The following AUTS2 variants were observed in gnomAD, a reference collection of about 807,000 sequenced individuals.
AUTS2 encodes activator of transcription and developmental regulator AUTS2.
A neutral mutation model predicts 112.4 loss-of-function variants in AUTS2; 17 were observed. The ratio of observed to expected loss-of-function variants is 0.15; its 90% CI spans 0.10 to 0.23. AUTS2 has a LOEUF of 0.23. Ranked by LOEUF, AUTS2 falls within the 10% of genes least tolerant of loss-of-function variation. AUTS2 has a pLI of 1.00. For synonymous variants in AUTS2, 751 were observed against 702.7 expected (o/e 1.07, Z -1.09); for missense variants, 1,510 against 1,701.6 (o/e 0.89, Z 1.98).
chr7:70,081,410 AAT>A (rs1250357703), intron 2 of AUTS2, among the ~76,000 whole-genome samples: 1 of 149,418 alleles, frequency 6.7e-6, no homozygotes, highest in African/African-American at 2.5e-5. Flanking sequence ...AAAAAAAAAA[AAT>A]CAGCTGGATA....
intron 4 of AUTS2, among the ~76,000 whole-genome samples, chr7:70,324,984 G>A (rs1197756642): frequency 2.0e-5 from 3 of 152,150 alleles, no homozygotes; most frequent in Non-Finnish European, 2.9e-5. Context: ...GAAGAGGAAA[G>A]TGAGGCCCAG....
intron 1 of AUTS2, among the ~76,000 whole-genome samples, chr7:69,750,668 A>T (rs936871905): frequency 2.0e-5 from 3 of 151,856 alleles, no homozygotes; most frequent in Admixed American, 1.3e-4. Context: ...GCTAATTTTT[A>T]GATTTTTTGT....
intron 2 of AUTS2, among the ~76,000 whole-genome samples, chr7:70,036,923 G>T (rs1472650310): frequency 6.6e-6 from 1 of 152,208 alleles, no homozygotes; most frequent in Non-Finnish European, 1.5e-5. Context: ...TTCTTTCCTT[G>T]TAAAACTGTA....
At chr7:70,339,335 T>G (rs1239333168) in intron 4 of AUTS2, among the ~76,000 whole-genome samples, 3 of 152,238 alleles carry the variant, frequency 2.0e-5, no homozygotes, top group African/African-American at 7.2e-5. Flanking sequence ...TTTATCTAGA[T>G]AAATTTGACT....
chr7:70,035,465 G>A (rs1367735435), intron 2 of AUTS2, among the ~76,000 whole-genome samples: 13 of 152,194 alleles, frequency 8.5e-5, no homozygotes, highest in Admixed American at 7.9e-4. Context: ...CTGAGGCATT[G>A]CTGTTTTTAT....
intron 2 of AUTS2, among the ~76,000 whole-genome samples, chr7:70,026,176 G>A (rs1438473490): frequency 6.6e-6 from 1 of 152,204 alleles, no homozygotes; most frequent in Non-Finnish European, 1.5e-5. Context: ...CCCTTAGCCA[G>A]ATATTCCCTA....
chr7:70,092,338 T>C (rs1562684394), intron 2 of AUTS2, among the ~76,000 whole-genome samples: 1 of 152,098 alleles, frequency 6.6e-6, no homozygotes, highest in Non-Finnish European at 1.5e-5. Flanking sequence ...GCTGATAAAA[T>C]CCTCCTTCTG....
chr7:70,335,808 C>G (rs1298175581), intron 4 of AUTS2, among the ~76,000 whole-genome samples: 1 of 152,160 alleles, frequency 6.6e-6, no homozygotes, highest in Non-Finnish European at 1.5e-5. Flanking sequence ...GTTGCAAGGC[C>G]TTTATTTCCT....
At chr7:70,690,012 C>T (rs908243357) in intron 5 of AUTS2, among the ~76,000 whole-genome samples, 13 of 152,258 alleles carry the variant, frequency 8.5e-5, no homozygotes, top group African/African-American at 3.1e-4. Flanking sequence ...CATCTGTAAT[C>T]ATAATAGACA....
intron 4 of AUTS2, among the ~76,000 whole-genome samples, chr7:70,276,489 C>T (rs1402666535): frequency 6.6e-6 from 1 of 151,656 alleles, no homozygotes; most frequent in Admixed American, 6.6e-5. Flanking sequence ...AGTGATTCTC[C>T]CACCTCAGCC....
chr7:70,101,373 C>CA (rs553519454), intron 2 of AUTS2, among the ~76,000 whole-genome samples: 2,461 of 133,464 alleles, frequency 0.018, 28 homozygotes, highest in Middle Eastern at 0.051. Flanking sequence ...TAAGAACTGC[C>CA]AAAAAAAAAA....
Position 69,729,374 on chromosome 7 carries a change from G to A in AUTS2, c.309+129412G>A, listed in dbSNP as rs943409694. The stretch of plus-strand genomic sequence containing the variant: ...GTGAGAGAAAACTTATCTTTAAGAA[G>A]TCTCTAATCTATTATGGGATTAAGA... On this transcript the variant is annotated intron_variant, in intron 1 of 18. Transcript: ENST00000342771. Among the ~76,000 whole-genome samples, 3 of 148,160 alleles carry A rather than the reference G, an allele frequency of 2.0e-5. No homozygotes were observed. In the Admixed American group the frequency reaches 2.0e-4, roughly 10 times the overall value.
chr7:69,727,010 T>A (rs1284664547), intron 1 of AUTS2, among the ~76,000 whole-genome samples: 2 of 152,214 alleles, frequency 1.3e-5, no homozygotes, highest in East Asian at 1.9e-4. Flanking sequence ...CAGAATTTTT[T>A]AATTTTGATG....
intron 1 of AUTS2, among the ~76,000 whole-genome samples, chr7:69,880,587 G>A (rs1794002737): frequency 6.6e-6 from 1 of 152,178 alleles, no homozygotes; most frequent in South Asian, 2.1e-4. Context: ...TTGTTTAGCT[G>A]TACTTGCCTT....
intron 4 of AUTS2, among the ~76,000 whole-genome samples, chr7:70,428,583 T>A (rs949290493): frequency 6.6e-6 from 1 of 152,234 alleles, no homozygotes; most frequent in Non-Finnish European, 1.5e-5. Context: ...GTTTACAAGT[T>A]GGGGTTCTCC....
At chr7:70,012,984 A>C (rs1799873907) in intron 2 of AUTS2, among the ~76,000 whole-genome samples, 1 of 152,190 alleles carries the variant, frequency 6.6e-6, no homozygotes, top group South Asian at 2.1e-4. Flanking sequence ...GAGGAGGAAA[A>C]GAATATTTTA....
intron 6 of AUTS2, among the ~76,000 whole-genome samples, chr7:70,732,050 T>C (rs1438934517): frequency 6.6e-6 from 1 of 152,168 alleles, no homozygotes; most frequent in Non-Finnish European, 1.5e-5. Flanking sequence ...CCCTCCAGTA[T>C]AGGATCTTGT....
In AUTS2 at chr7:70,792,114, A is replaced by G. The variant is rs1048625003; in HGVS notation, c.*1118A>G. ...GATGGATATGTTTTCACTGTATTCA[A>G]TAACTGACGGATGTAAGGTGCACGT... On this transcript the variant is annotated 3_prime_UTR_variant, in exon 19 of 19. Coordinates refer to ENST00000342771, the MANE Select transcript of AUTS2 (RefSeq NM_015570.4). 1 of 152,626 alleles carries G rather than the reference A, an allele frequency of 6.6e-6. No homozygotes were observed. Among genetic ancestry groups the G allele is most frequent in the African/African-American group, 2.4e-5 (1 of 41,500 alleles). The allele number at this position is 152,626 out of a possible 1,614,324, so 9.5% of individuals were successfully genotyped here. A position where few individuals can be genotyped will look rare whatever the true frequency, so the allele number is the denominator to read the frequency against.
intron 2 of AUTS2, among the ~76,000 whole-genome samples, chr7:70,066,707 T>G (rs1370967503): frequency 6.6e-6 from 1 of 152,006 alleles, no homozygotes; most frequent in Non-Finnish European, 1.5e-5. Context: ...ACCCAGCTAA[T>G]TTTTGTATTT....
Sources: gnomAD v4.1 joint callset for allele counts (sites outside exome capture counted in the v4.1 genomes callset) on GRCh38, gnomAD v4.1.1 for gene constraint, MANE v1.5 for transcripts, NCBI Gene and HGNC (gene_info 2026-07-23, HGNC 2026-07-21) for gene names.